The following PPARGC1A variants were observed in gnomAD, a reference collection of about 807,000 sequenced individuals.
PPARGC1A encodes the protein PPARG coactivator 1 alpha.
A neutral mutation model predicts 88.7 loss-of-function variants in PPARGC1A; 25 were observed. The ratio of observed to expected loss-of-function variants is 0.28; its 90% CI spans 0.21 to 0.39. The LOEUF (loss-of-function observed/expected upper bound fraction) is 0.39. Among genes scored for constraint, PPARGC1A ranks in the 10% least tolerant of loss-of-function variants. The probability of loss-of-function intolerance (pLI) is 1.00; values close to 1 mark genes in which losing one functional copy is unlikely to be tolerated. For missense variants in PPARGC1A, 880 were observed against 968.7 expected, an observed-to-expected ratio of 0.91 and a Z score of 1.22; for synonymous variants, 363 against 355.6, an observed-to-expected ratio of 1.02 and a Z score of -0.24.
At chr4:23,910,230 A>ATATATAATATATATAAATATATATT in the PPARGC1A span, among the ~76,000 whole-genome samples, 4 of 107,308 alleles carry the variant, frequency 3.7e-5, no homozygotes, top group Non-Finnish European at 5.3e-5. Flanking sequence ...ATAATATATT[A>ATATATAATATATATAAATATATATT]TATATAATAT....
the PPARGC1A span, among the ~76,000 whole-genome samples, chr4:24,324,006 C>T: frequency 6.6e-6 from 1 of 152,214 alleles, no homozygotes; most frequent in Non-Finnish European, 1.5e-5. Context: ...ACAAAAGAGA[C>T]ACGTTTTGTC....
the PPARGC1A span, among the ~76,000 whole-genome samples, chr4:24,183,307 G>A: frequency 6.6e-6 from 1 of 152,124 alleles, no homozygotes; most frequent in South Asian, 2.1e-4. Flanking sequence ...TGAGACCACT[G>A]AGGCACAGGG....
At chr4:23,887,860 G>A (rs1717167690) in intron 1 of PPARGC1A, among the ~76,000 whole-genome samples, 1 of 151,984 alleles carries the variant, frequency 6.6e-6, no homozygotes, top group Admixed American at 6.6e-5. Flanking sequence ...GGGGTGGAGA[G>A]AGGGGCAGTA....
upstream of PPARGC1A, among the ~76,000 whole-genome samples, chr4:23,893,097 C>T (rs781705336): frequency 2.0e-5 from 3 of 152,036 alleles, no homozygotes; most frequent in Non-Finnish European, 4.4e-5. Flanking sequence ...GATAATTTCT[C>T]CCCTCTGTAG....
chr4:24,262,727 C>G, the PPARGC1A span, among the ~76,000 whole-genome samples: 8,059 of 151,864 alleles, frequency 0.053, 275 homozygotes, highest in East Asian at 0.14. Context: ...TTAAGCAGCC[C>G]AGCAGGATGT....
the PPARGC1A span, among the ~76,000 whole-genome samples, chr4:23,963,238 T>C: frequency 6.6e-6 from 1 of 152,172 alleles, no homozygotes; most frequent in African/African-American, 2.4e-5. Context: ...GCTAGGGATA[T>C]TCATTTTTCA....
upstream of PPARGC1A, among the ~76,000 whole-genome samples, chr4:23,905,315 C>T (rs1226130033): frequency 1.3e-5 from 2 of 152,174 alleles, no homozygotes; most frequent in Admixed American, 1.3e-4. Context: ...CCCCAGATAA[C>T]CCTTTTCATT....
chr4:24,399,809 G>A, the PPARGC1A span, among the ~76,000 whole-genome samples: 1 of 144,056 alleles, frequency 6.9e-6, no homozygotes, highest in Non-Finnish European at 1.5e-5. Context: ...TTTTTTTTGA[G>A]ACAGAGTCTT....
the PPARGC1A span, among the ~76,000 whole-genome samples, chr4:24,133,008 G>A: frequency 6.6e-6 from 1 of 152,018 alleles, no homozygotes; most frequent in African/African-American, 2.4e-5. Context: ...CAAGTGACAG[G>A]TTTTTGAGAC....
the PPARGC1A span, among the ~76,000 whole-genome samples, chr4:24,354,355 A>C: frequency 2.6e-5 from 4 of 152,230 alleles, no homozygotes; most frequent in East Asian, 7.7e-4. Context: ...TCTAGGGATC[A>C]GAACCTAGAC....
At chr4:23,836,342 T>C (rs1726007281) in intron 2 of PPARGC1A, among the ~76,000 whole-genome samples, 2 of 152,138 alleles carry the variant, frequency 1.3e-5, no homozygotes, top group Admixed American at 6.5e-5. Context: ...CCATGGTGGG[T>C]GTCAACCTTG....
At chr4:23,811,809 T>C (rs533865458) in intron 10 of PPARGC1A, among the ~76,000 whole-genome samples, 59 of 150,086 alleles carry the variant, frequency 3.9e-4, no homozygotes, top group Admixed American at 6.0e-4. Context: ...ATCCATAAAA[T>C]GTCATTGAAA....
intron 12 of PPARGC1A, among the ~76,000 whole-genome samples, chr4:23,797,593 T>A (rs963500132): frequency 1.3e-5 from 2 of 152,218 alleles, no homozygotes; most frequent in Admixed American, 6.5e-5. Flanking sequence ...TTTCTGTATT[T>A]TATTAGCAAA....
chr4:24,460,889 C>A, the PPARGC1A span, among the ~76,000 whole-genome samples: 2 of 152,204 alleles, frequency 1.3e-5, no homozygotes, highest in African/African-American at 2.4e-5. Flanking sequence ...CTTTGATTTA[C>A]TAATTAAACT....
At chr4:23,957,042 A>T in the PPARGC1A span, among the ~76,000 whole-genome samples, 1 of 152,136 alleles carries the variant, frequency 6.6e-6, no homozygotes, top group Admixed American at 6.6e-5. Flanking sequence ...GCACTCTGAC[A>T]GCAAAGCCCA....
At chr4:23,812,962 A>G (rs1409775528) in intron 9 of PPARGC1A, 59 bp downstream of exon 9, 6 of 1,611,586 alleles carry the variant, frequency 3.7e-6, no homozygotes, top group Non-Finnish European at 4.2e-6. Context: ...TTTGGAGAAC[A>G]TCTTGTCATC....
chr4:24,247,722 G>A, the PPARGC1A span, among the ~76,000 whole-genome samples: 2 of 152,164 alleles, frequency 1.3e-5, no homozygotes, highest in Non-Finnish European at 2.9e-5. Context: ...GCAATCATTC[G>A]TTATTATTGT....
chr4:24,426,245 T>G, the PPARGC1A span, among the ~76,000 whole-genome samples: 3 of 152,228 alleles, frequency 2.0e-5, no homozygotes, highest in Non-Finnish European at 4.4e-5. Context: ...ACATAATAAC[T>G]AATTATTCAG....
the PPARGC1A span, among the ~76,000 whole-genome samples, chr4:24,053,821 A>G: frequency 6.6e-6 from 1 of 152,216 alleles, no homozygotes; most frequent in African/African-American, 2.4e-5. Context: ...ATTTCTCATT[A>G]AACCACGATT....
Sources: allele counts gnomAD v4.1 joint callset (sites outside exome capture counted in the v4.1 genomes callset), GRCh38; gene constraint gnomAD v4.1.1; transcripts MANE v1.5; gene names NCBI Gene and HGNC (gene_info 2026-07-23, HGNC 2026-07-21).